Variants in ABCB5 observed in about 807,000 individuals in gnomAD.
ABCB5 encodes the protein ATP binding cassette subfamily B member 5.
A neutral mutation model predicts 144.2 loss-of-function variants in ABCB5; 155 were observed. The ratio of observed to expected loss-of-function variants is 1.08; its 90% CI spans 0.94 to 1.23. The LOEUF is 1.23. Ranked by LOEUF, ABCB5 falls within the 50% of genes most tolerant of loss-of-function variation. ABCB5 has a pLI of 0.00. For synonymous variants in ABCB5, 610 were observed against 528.6 expected (o/e 1.15, Z -2.11); for missense variants, 1,830 against 1,520.8 (o/e 1.20, Z -3.38).
Position 20,667,668 on chromosome 7 carries a change from TCTGCCCCTGCCC to T in ABCB5, c.1707+9046_1707+9057del, listed in dbSNP as rs11274355. On this transcript the variant is annotated intron_variant, in intron 14 of 27. Transcript: ENST00000404938. ...TTGCTTTTGGAAAATAACATTCGCC[TCTGCCCCTGCCC>T]CTGCCCCTGCCCCTGCCCCTGCCCC... is the stretch of plus-strand genomic sequence containing the variant. 650 of 497,188 alleles carry T rather than the reference TCTGCCCCTGCCC, an allele frequency of 1.3e-3. 3 individuals carry two copies. The African/African-American group carries it at 0.015, about 11-fold the overall frequency. 30.8% of individuals were successfully genotyped at this position (497,188 alleles called of 1,614,324 possible). A position where few individuals can be genotyped will look rare whatever the true frequency, so the allele number is the denominator to read the frequency against.
intron 25 of ABCB5, among the ~76,000 whole-genome samples, chr7:20,744,498 T>G (rs975353805): frequency 6.6e-6 from 1 of 152,066 alleles, no homozygotes; most frequent in Non-Finnish European, 1.5e-5. Flanking sequence ...CCCTCCCCAC[T>G]GCCTCAGTCG....
intron 12 of ABCB5, among the ~76,000 whole-genome samples, chr7:20,651,108 G>A (rs1438111433): frequency 6.6e-6 from 1 of 152,146 alleles, no homozygotes; most frequent in Admixed American, 6.5e-5. Context: ...TTTTGTATGT[G>A]TCTACATAAT....
chr7:20,624,332 A>T (rs905952558), intron 2 of ABCB5, among the ~76,000 whole-genome samples: 27 of 152,298 alleles, frequency 1.8e-4, no homozygotes, highest in Middle Eastern at 3.4e-3. Flanking sequence ...TAGCTACATA[A>T]ACTTGGGTTG....
At chr7:20,655,703 A>G (rs138123733) in intron 13 of ABCB5, among the ~76,000 whole-genome samples, 2 of 152,222 alleles carry the variant, frequency 1.3e-5, no homozygotes, top group Admixed American at 6.5e-5. Context: ...TAGAAACTCC[A>G]TATTTTTAAA....
intron 24 of ABCB5, among the ~76,000 whole-genome samples, chr7:20,740,581 A>C (rs1419893712): frequency 1.3e-5 from 2 of 152,154 alleles, no homozygotes; most frequent in Non-Finnish European, 2.9e-5. Context: ...AAAGGATGTA[A>C]GAAGCTTTTT....
intron 14 of ABCB5, among the ~76,000 whole-genome samples, chr7:20,666,527 G>T (rs1785200621): frequency 1.3e-5 from 2 of 152,158 alleles, no homozygotes; most frequent in African/African-American, 4.8e-5. Flanking sequence ...TTCTGGGAGG[G>T]ATGTTTTAAA....
Position 20,689,198 on chromosome 7 carries a change from A to G in ABCB5, c.2010+3362A>G, listed in dbSNP as rs189607414. Among the ~76,000 whole-genome samples the G allele has an allele frequency of 4.2e-3, 634 of 152,306 alleles. 2 individuals carry two copies. The highest frequency in any genetic ancestry group is 5.4e-3 in the Non-Finnish European group (367 of 68,018). On this transcript the variant is annotated intron_variant, in intron 16 of 27. Coordinates refer to ENST00000404938, the MANE Select transcript of ABCB5 (RefSeq NM_001163941.2). ...AAGTAGCAGATAAAAGTAGCACCCCACTACCGCTGGAGTGAAATACAGCAC... is the reference window on the plus strand; with the variant it reads ...AAGTAGCAGATAAAAGTAGCACCCCGCTACCGCTGGAGTGAAATACAGCAC...
chr7:20,690,765 T>C (rs1192111463), intron 16 of ABCB5, among the ~76,000 whole-genome samples: 1 of 152,046 alleles, frequency 6.6e-6, no homozygotes, highest in South Asian at 2.1e-4. Context: ...TAGATTCGGA[T>C]AGAAAAAGTC....
intron 13 of ABCB5, among the ~76,000 whole-genome samples, chr7:20,653,842 G>T (rs1784681660): frequency 6.6e-6 from 1 of 152,358 alleles, no homozygotes; most frequent in Non-Finnish European, 1.5e-5. Context: ...ACACTGGATA[G>T]AAGTCAGGCA....
chr7:20,678,865 G>A (rs957677471), intron 14 of ABCB5, among the ~76,000 whole-genome samples: 1 of 152,216 alleles, frequency 6.6e-6, no homozygotes, highest in African/African-American at 2.4e-5. Context: ...CAGTTCTGCA[G>A]TATAGTAGGG....
At chr7:20,729,184 G>C (rs925132222) in intron 23 of ABCB5, among the ~76,000 whole-genome samples, 6 of 152,142 alleles carry the variant, frequency 3.9e-5, no homozygotes, top group African/African-American at 1.4e-4. Context: ...AGCATAACTG[G>C]TAAAATACTG....
chr7:20,726,664 G>C (rs1397093658), intron 21 of ABCB5, among the ~76,000 whole-genome samples: 1 of 152,114 alleles, frequency 6.6e-6, no homozygotes, highest in African/African-American at 2.4e-5. Context: ...ATTGTGCCTA[G>C]CATCTGCTAT....
At chr7:20,692,963 A>G (rs1408367877) in intron 16 of ABCB5, among the ~76,000 whole-genome samples, 2 of 152,208 alleles carry the variant, frequency 1.3e-5, no homozygotes, top group Non-Finnish European at 2.9e-5. Flanking sequence ...TTAGTAGAAC[A>G]AGTAAATAGA....
At chr7:20,748,686 A>G (rs1195068032) in intron 26 of ABCB5, among the ~76,000 whole-genome samples, 1 of 146,262 alleles carries the variant, frequency 6.8e-6, no homozygotes, top group East Asian at 2.0e-4. Context: ...AAAGGGAATT[A>G]ATTTTTTCTT....
intron 14 of ABCB5, among the ~76,000 whole-genome samples, chr7:20,676,646 G>C (rs551127056): frequency 6.6e-6 from 1 of 152,278 alleles, no homozygotes; most frequent in African/African-American, 2.4e-5. Flanking sequence ...ATTTATGTAA[G>C]ACGAATAAGT....
intron 16 of ABCB5, among the ~76,000 whole-genome samples, chr7:20,689,948 G>A (rs1490949691): frequency 1.3e-5 from 2 of 152,194 alleles, no homozygotes; most frequent in African/African-American, 4.8e-5. Context: ...GACAGGGGTA[G>A]GCAGAGAGGC....
At chr7:20,681,058 CTCTT>C (rs869158355) in intron 14 of ABCB5, among the ~76,000 whole-genome samples, 1,909 of 47,132 alleles carry the variant, frequency 0.041, 50 homozygotes, top group Non-Finnish European at 0.048. Context: ...CTCTCTCTCT[CTCTT>C]TCTTTCTTTC....
chr7:20,707,482 A>G (rs1220378327), intron 20 of ABCB5, among the ~76,000 whole-genome samples: 1 of 152,224 alleles, frequency 6.6e-6, no homozygotes, highest in Non-Finnish European at 1.5e-5. Context: ...TTAAAGCTAA[A>G]AGCCATTTTA....
chr7:20,701,406 CTT>C lies in ABCB5; in HGVS notation c.2337+1274_2337+1275del, dbSNP rs535483519. On this transcript the variant is annotated intron_variant, in intron 19 of 27. Transcript: ENST00000404938. ...TAAATTTATTTTAAATTTCTAGAAACTTTTGAAAAGGTTTCCTGAATGCCTAG... is the reference window on the plus strand; with the variant it reads ...TAAATTTATTTTAAATTTCTAGAAACTTGAAAAGGTTTCCTGAATGCCTAG... Among the ~76,000 whole-genome samples, 521 of 152,156 alleles carry C rather than the reference CTT, an allele frequency of 3.4e-3. 12 individuals are homozygous for C. Among genetic ancestry groups the C allele is most frequent in the Middle Eastern group, 3.4e-3 (1 of 294 alleles).
Sources: allele counts gnomAD v4.1 joint callset (sites outside exome capture counted in the v4.1 genomes callset), GRCh38; gene constraint gnomAD v4.1.1; transcripts MANE v1.5; gene names NCBI Gene and HGNC (gene_info 2026-07-23, HGNC 2026-07-21).